PRKAR1A: variants seen among roughly 807,000 people sequenced by gnomAD.
PRKAR1A encodes the protein protein kinase cAMP-dependent type I regulatory subunit alpha, also known as cAMP-dependent protein kinase type I-alpha regulatory subunit.
Under a neutral mutation model 52.0 loss-of-function variants are expected in PRKAR1A, and 3 were observed. The ratio of observed to expected loss-of-function variants is 0.06; its 90% CI spans 0.03 to 0.15. The LOEUF is 0.15. Among genes scored for constraint, PRKAR1A ranks in the 10% least tolerant of loss-of-function variants. The probability of loss-of-function intolerance (pLI) is 1.00; values close to 1 mark genes in which losing one functional copy is unlikely to be tolerated. For missense variants in PRKAR1A, 240 were observed against 477.4 expected (o/e 0.50, Z 4.63); for synonymous variants, 188 against 168.4 (o/e 1.12, Z -0.90).
At chr17:68,447,491 C>T in the PRKAR1A span, among the ~76,000 whole-genome samples, 1 of 152,160 alleles carries the variant, frequency 6.6e-6, no homozygotes, top group African/African-American at 2.4e-5. Context: ...AAACGATCCT[C>T]CTGCCTCAGC....
chr17:68,447,721 G>A, the PRKAR1A span, among the ~76,000 whole-genome samples: 4 of 152,068 alleles, frequency 2.6e-5, no homozygotes, highest in South Asian at 2.1e-4. Flanking sequence ...GGCCAGGTGC[G>A]GTGGCTCACA....
intron 1 of PRKAR1A, chr17:68,515,049 A>G (rs766822141): frequency 1.8e-5 from 6 of 328,358 alleles, no homozygotes; most frequent in African/African-American, 4.3e-5. Flanking sequence ...CCACGTCATC[A>G]TGATTTCTTT....
At chr17:68,427,122 C>T in the PRKAR1A span, 32 of 1,608,498 alleles carry the variant, frequency 2.0e-5, no homozygotes, top group African/African-American at 2.7e-5. Flanking sequence ...CTGTTGGCCC[C>T]GTGTCCACCC....
intron 7 of PRKAR1A, 126 bp from the exon 8 acceptor site, chr17:68,527,714 A>G (rs935669003): frequency 1.2e-5 from 9 of 776,310 alleles, no homozygotes; most frequent in African/African-American, 1.8e-5. Context: ...TTTCCTCATT[A>G]AAAGCAACAA....
chr17:68,501,140 A>G, the PRKAR1A span, among the ~76,000 whole-genome samples: 1 of 152,160 alleles, frequency 6.6e-6, no homozygotes, highest in African/African-American at 2.4e-5. Flanking sequence ...GGTTTCCAGT[A>G]TCCTGCCTGA....
intron 11 of PRKAR1A, chr17:68,540,894 G>C: frequency 6.2e-7 from 1 of 1,605,208 alleles, no homozygotes; most frequent in Non-Finnish European, 8.5e-7. Context: ...TTGAGGAGCC[G>C]CTGGCTGTTG....
the PRKAR1A span, among the ~76,000 whole-genome samples, chr17:68,471,094 G>A: frequency 6.6e-6 from 1 of 152,012 alleles, no homozygotes; most frequent in African/African-American, 2.4e-5. Flanking sequence ...AAAATTCAAT[G>A]CATTTTTTCC....
chr17:68,417,474 G>C, the PRKAR1A span, among the ~76,000 whole-genome samples: 6 of 152,046 alleles, frequency 3.9e-5, no homozygotes, highest in African/African-American at 4.8e-5. Flanking sequence ...GTGCCGCGGT[G>C]GGGGGTGGCG....
At chr17:68,489,831 T>A in the PRKAR1A span, among the ~76,000 whole-genome samples, 1 of 152,154 alleles carries the variant, frequency 6.6e-6, no homozygotes. Context: ...TCTGGGATTA[T>A]AGGCGTGAGG....
chr17:68,507,958 T>C (rs114703992), upstream of PRKAR1A, among the ~76,000 whole-genome samples: 513 of 152,330 alleles, frequency 3.4e-3, 6 homozygotes, highest in African/African-American at 0.012. Flanking sequence ...TAGATGTTGC[T>C]GTGAATGTAT....
the PRKAR1A span, chr17:68,427,362 T>C: frequency 1.2e-6 from 1 of 822,704 alleles, no homozygotes; most frequent in Non-Finnish European, 1.9e-6. Flanking sequence ...CTGTGGGTTA[T>C]TTATTTATTT....
At chr17:68,428,667 CAG>C in the PRKAR1A span, 2 of 592,672 alleles carry the variant, frequency 3.4e-6, no homozygotes, top group Admixed American at 2.9e-5. Flanking sequence ...GCACCTGACA[CAG>C]AGCCCGGTGC....
At chr17:68,432,076 C>T in the PRKAR1A span, among the ~76,000 whole-genome samples, 1 of 152,190 alleles carries the variant, frequency 6.6e-6, no homozygotes, top group South Asian at 2.1e-4. Context: ...TGGATATAAT[C>T]TCCAGGGAAA....
the PRKAR1A span, chr17:68,427,255 T>C: frequency 6.2e-7 from 1 of 1,610,228 alleles, no homozygotes; most frequent in Non-Finnish European, 8.5e-7. Flanking sequence ...CCAAGCAAGC[T>C]ACTTGTGACA....
chr17:68,482,954 T>C, the PRKAR1A span, among the ~76,000 whole-genome samples: 4 of 152,364 alleles, frequency 2.6e-5, no homozygotes, highest in African/African-American at 9.6e-5. Flanking sequence ...TAATTGTTTG[T>C]CCTTAGTTTT....
At chr17:68,514,390 T>C (rs2085364256) in intron 1 of PRKAR1A, among the ~76,000 whole-genome samples, 1 of 152,248 alleles carries the variant, frequency 6.6e-6, no homozygotes, top group African/African-American at 2.4e-5. Flanking sequence ...TCTTCTACTC[T>C]TAAGTGCTTA....
chr17:68,518,855 A>G (rs894403475), intron 2 of PRKAR1A, among the ~76,000 whole-genome samples: 1 of 152,230 alleles, frequency 6.6e-6, no homozygotes, highest in Non-Finnish European at 1.5e-5. Context: ...TTTCCTGCTT[A>G]GAAATTTCTT....
At chr17:68,528,836 A>T (rs10432004) in intron 8 of PRKAR1A, 34 bp from the exon 9 acceptor site, 1 of 1,612,418 alleles carries the variant, frequency 6.2e-7, no homozygotes, top group East Asian at 2.2e-5. Context: ...GCACCAAATA[A>T]TACAGAGCAG....
chr17:68,546,662 C>T (rs1354819620), intron 11 of PRKAR1A, among the ~76,000 whole-genome samples: 1 of 151,996 alleles, frequency 6.6e-6, no homozygotes, highest in African/African-American at 2.4e-5. Flanking sequence ...AACCCTGTCT[C>T]TACTAAAAAT....
Sources: gnomAD v4.1 joint callset for allele counts (sites outside exome capture counted in the v4.1 genomes callset) on GRCh38, gnomAD v4.1.1 for gene constraint, MANE v1.5 for transcripts, NCBI Gene and HGNC (gene_info 2026-07-23, HGNC 2026-07-21) for gene names.